Variants in KANSL1L observed in about 807,000 individuals in gnomAD.
KANSL1L encodes the protein KAT8 regulatory NSL complex subunit 1 like, also known as KAT8 regulatory NSL complex subunit 1-like protein.
A neutral mutation model predicts 108.6 loss-of-function variants in KANSL1L; 25 were observed. That is an observed-to-expected ratio of 0.23 (90% CI 0.17 to 0.32). The LOEUF (loss-of-function observed/expected upper bound fraction) is 0.32, where lower values mean the gene tolerates loss of function less well. KANSL1L is among the 10% of genes least tolerant of loss of function. The pLI is 1.00. For missense variants in KANSL1L, 1,137 were observed against 1,125.7 expected, an observed-to-expected ratio of 1.01 and a Z score of -0.14; for synonymous variants, 405 against 395.1, an observed-to-expected ratio of 1.03 and a Z score of -0.30.
At chr2:210,032,807 C>T (rs1176041056) in intron 8 of KANSL1L, 1 of 152,048 alleles carries the variant, frequency 6.6e-6, no homozygotes, top group Admixed American at 6.6e-5. Context: ...AATCTGAATA[C>T]CAACACAATC....
At chr2:210,070,444 A>C (rs2094499483) in intron 6 of KANSL1L, among the ~76,000 whole-genome samples, 1 of 150,372 alleles carries the variant, frequency 6.7e-6, no homozygotes, top group Admixed American at 6.6e-5. Flanking sequence ...GTTAGCCAGG[A>C]TGGTCTAGAT....
chr2:210,064,831 A>C (rs1029941334), intron 6 of KANSL1L, among the ~76,000 whole-genome samples: 3 of 151,504 alleles, frequency 2.0e-5, no homozygotes, highest in East Asian at 1.9e-4. Flanking sequence ...AAAAAAAAAA[A>C]AAAAAAACAC....
At chr2:210,103,946 G>T in intron 4 of KANSL1L, 158 bp downstream of exon 4, 1 of 551,408 alleles carries the variant, frequency 1.8e-6, no homozygotes, top group Non-Finnish European at 3.2e-6. Context: ...AATGGAGACT[G>T]GTCATATGTC....
In KANSL1L at chr2:210,049,089, C is replaced by T. The variant is rs573965939; in HGVS notation, c.1756-4985G>A. 1.4e-4 allele frequency among the ~76,000 whole-genome samples: 21 copies of T among 152,220 alleles called. No individual in the cohort carries two copies. The South Asian group carries it at 2.9e-3, about 21-fold the overall frequency. On this transcript the variant is annotated intron_variant, in intron 6 of 14. Coordinates refer to ENST00000281772, the MANE Select transcript of KANSL1L (RefSeq NM_152519.4). ...TTCACCCATTCACAAAGTCTATAGC[C>T]GGCCATTGGAGACTCTTGGCTTTAT...
intron 5 of KANSL1L, among the ~76,000 whole-genome samples, chr2:210,081,229 T>C (rs989608030): frequency 6.6e-6 from 1 of 152,194 alleles, no homozygotes; most frequent in African/African-American, 2.4e-5. Flanking sequence ...ATATTAATTC[T>C]GCCTCATTTT....
intron 6 of KANSL1L, among the ~76,000 whole-genome samples, chr2:210,053,986 A>G (rs1043696345): frequency 6.6e-6 from 1 of 152,152 alleles, no homozygotes; most frequent in Non-Finnish European, 1.5e-5. Context: ...ATATGCAAAG[A>G]TGGTCCAGAT....
intron 6 of KANSL1L, among the ~76,000 whole-genome samples, chr2:210,061,416 CA>C (rs1467460428): frequency 4.6e-5 from 7 of 152,042 alleles, no homozygotes; most frequent in African/African-American, 1.7e-4. Context: ...CGTTGCACAG[CA>C]ACTGGGTATA....
intron 2 of KANSL1L, among the ~76,000 whole-genome samples, chr2:210,145,120 C>G (rs2095256396): frequency 6.6e-6 from 1 of 152,194 alleles, no homozygotes; most frequent in Admixed American, 6.5e-5. Context: ...CCTCAGCAGC[C>G]ACTGTCCACA....
At chr2:210,157,295 T>A (rs1575637551) in intron 1 of KANSL1L, among the ~76,000 whole-genome samples, 1 of 152,212 alleles carries the variant, frequency 6.6e-6, no homozygotes, top group East Asian at 1.9e-4. Flanking sequence ...CAGCGTACTA[T>A]GAATATAACC....
chr2:210,061,339 T>G (rs796263443), intron 6 of KANSL1L, among the ~76,000 whole-genome samples: 16 of 152,294 alleles, frequency 1.1e-4, no homozygotes, highest in African/African-American at 3.8e-4. Context: ...GAGAACTTCC[T>G]TTGCCAGGAG....
chr2:210,147,977 C>T (rs1213475670), intron 2 of KANSL1L, among the ~76,000 whole-genome samples: 1 of 152,170 alleles, frequency 6.6e-6, no homozygotes, highest in Non-Finnish European at 1.5e-5. Flanking sequence ...AATCTGGAGT[C>T]ACCCAACAGC....
chr2:210,117,940 G>A (rs1370774421), intron 3 of KANSL1L, among the ~76,000 whole-genome samples: 1 of 152,084 alleles, frequency 6.6e-6, no homozygotes, highest in Non-Finnish European at 1.5e-5. Context: ...GAGACAGGTG[G>A]ATCACCTGAG....
At chr2:210,038,458 TTGA>T (rs764820282) in intron 8 of KANSL1L, among the ~76,000 whole-genome samples, 16 of 152,058 alleles carry the variant, frequency 1.1e-4, no homozygotes, top group Non-Finnish European at 1.8e-4. Flanking sequence ...TGTGCCAAAA[TTGA>T]TGATTATAAT....
intron 6 of KANSL1L, among the ~76,000 whole-genome samples, chr2:210,062,612 A>G (rs1342223988): frequency 3.3e-5 from 5 of 152,178 alleles, no homozygotes; most frequent in Non-Finnish European, 7.3e-5. Context: ...TCTCAGATGG[A>G]GATAAGGAAC....
At chr2:210,162,249 T>A (rs1173932559) in intron 1 of KANSL1L, among the ~76,000 whole-genome samples, 1 of 142,624 alleles carries the variant, frequency 7.0e-6, no homozygotes, top group Admixed American at 7.0e-5. Flanking sequence ...TATATGTATA[T>A]CAATAAAAAT....
chr2:210,120,837 G>A (rs531082570), intron 3 of KANSL1L, among the ~76,000 whole-genome samples: 1 of 152,064 alleles, frequency 6.6e-6, no homozygotes, highest in South Asian at 2.1e-4. Flanking sequence ...GTGGGCAAAG[G>A]ACATGAAAAG....
intron 10 of KANSL1L, chr2:210,029,229 A>AAAAT (rs2125130043): frequency 3.0e-6 from 1 of 334,408 alleles, no homozygotes; most frequent in Admixed American, 5.2e-5. Flanking sequence ...AAGACCACAA[A>AAAAT]AAATAGGTCT....
At chr2:210,078,039 T>C (rs906142836) in intron 5 of KANSL1L, among the ~76,000 whole-genome samples, 2 of 152,224 alleles carry the variant, frequency 1.3e-5, no homozygotes, top group Non-Finnish European at 2.9e-5. Context: ...CAAACCTAGA[T>C]GGTAAAGCCT....
chr2:210,022,637 G>A lies in KANSL1L; in HGVS notation c.*312C>T, dbSNP rs2125104599. ...GTATATATATATGTATGTATGTATG[G>A]TGTGGGTACATAGTCTTAAAAATTA... On this transcript the variant is annotated 3_prime_UTR_variant, in exon 15 of 15. Coordinates refer to ENST00000281772, the MANE Select transcript of KANSL1L (RefSeq NM_152519.4). 1 of 319,500 alleles carries A rather than the reference G, an allele frequency of 3.1e-6. No homozygotes were observed. The highest frequency in any genetic ancestry group is 5.9e-6 in the Non-Finnish European group (1 of 168,846). 19.8% of individuals were successfully genotyped at this position (319,500 alleles called of 1,614,324 possible).
Sources: gnomAD v4.1 joint callset for allele counts (sites outside exome capture counted in the v4.1 genomes callset) on GRCh38, gnomAD v4.1.1 for gene constraint, MANE v1.5 for transcripts, NCBI Gene and HGNC (gene_info 2026-07-23, HGNC 2026-07-21) for gene names.